Variants in MCTP1 observed in about 807,000 individuals in gnomAD.
MCTP1 encodes the protein multiple C2 and transmembrane domain-containing protein 1.
A neutral mutation model predicts 120.6 loss-of-function variants in MCTP1; 69 were observed. The ratio of observed to expected loss-of-function variants is 0.57; its 90% CI spans 0.47 to 0.70. MCTP1 has a LOEUF of 0.70. MCTP1 is among the 30% of genes least tolerant of loss of function. The pLI is 0.00. For missense variants in MCTP1, 1,203 were observed against 1,248.8 expected, an observed-to-expected ratio of 0.96 and a Z score of 0.55; for synonymous variants, 529 against 493.1, an observed-to-expected ratio of 1.07 and a Z score of -0.96.
At chr5:95,125,494 G>C (rs1758553828) in intron 1 of MCTP1, among the ~76,000 whole-genome samples, 1 of 152,166 alleles carries the variant, frequency 6.6e-6, no homozygotes. Flanking sequence ...TTGTTGTTGA[G>C]ACATCAGCTC....
intron 6 of MCTP1, among the ~76,000 whole-genome samples, chr5:94,925,994 T>TA (rs1812998069): frequency 6.6e-6 from 1 of 152,098 alleles, no homozygotes; most frequent in South Asian, 2.1e-4. Context: ...GATTTTAGAG[T>TA]AAAAAATCTA....
chr5:95,053,516 T>C (rs1023720601), intron 1 of MCTP1, among the ~76,000 whole-genome samples: 1 of 152,130 alleles, frequency 6.6e-6, no homozygotes, highest in African/African-American at 2.4e-5. Context: ...AAACTACAGA[T>C]TGAGATTCCA....
chr5:94,834,549 T>A (rs1718142814), intron 17 of MCTP1, among the ~76,000 whole-genome samples: 1 of 152,132 alleles, frequency 6.6e-6, no homozygotes. Context: ...TTTTTGGTTA[T>A]GAAATTTCAA....
chr5:94,897,301 T>C (rs562853023), intron 10 of MCTP1, among the ~76,000 whole-genome samples: 37 of 151,312 alleles, frequency 2.4e-4, no homozygotes, highest in Non-Finnish European at 4.6e-4. Flanking sequence ...CTTGAACTCC[T>C]GGGCTCAAGC....
chr5:94,844,738 ATTT>A (rs1561735438), intron 17 of MCTP1, among the ~76,000 whole-genome samples: 1 of 152,090 alleles, frequency 6.6e-6, no homozygotes, highest in African/African-American at 2.4e-5. Flanking sequence ...TATATTGATG[ATTT>A]TCTAAAAATA....
rs1308928157 is a variant in MCTP1, at chr5:95,213,256, A to G, written c.720+70600T>C. Among the ~76,000 whole-genome samples the G allele has an allele frequency of 2.0e-5, 3 of 152,206 alleles. No individual in the cohort carries two copies. In the East Asian group the frequency reaches 5.8e-4, roughly 29 times the overall value. On this transcript the variant is annotated intron_variant, in intron 1 of 22. Coordinates refer to ENST00000515393, the MANE Select transcript of MCTP1 (RefSeq NM_024717.7). ...AGAGCCAAATCATGAGTGAACTCCC[A>G]TTCACAATTGCTTCAAAGAGAATAA...
intron 19 of MCTP1, among the ~76,000 whole-genome samples, chr5:94,751,354 C>T (rs948602536): frequency 5.9e-5 from 9 of 151,396 alleles, no homozygotes; most frequent in Admixed American, 4.6e-4. Flanking sequence ...TAATTTCCTT[C>T]TACAGAGCCC....
intron 2 of MCTP1, among the ~76,000 whole-genome samples, chr5:95,001,807 C>T (rs1405350350): frequency 6.6e-6 from 1 of 152,142 alleles, no homozygotes; most frequent in African/African-American, 2.4e-5. Flanking sequence ...GAAATTCAAG[C>T]CTCCTGCAGA....
At chr5:95,026,659 T>C (rs1372401148) in intron 1 of MCTP1, among the ~76,000 whole-genome samples, 2 of 152,150 alleles carry the variant, frequency 1.3e-5, no homozygotes, top group Non-Finnish European at 2.9e-5. Context: ...AGGTTTATTG[T>C]AGCACTGTAC....
intron 1 of MCTP1, among the ~76,000 whole-genome samples, chr5:95,207,021 G>A (rs927943432): frequency 1.3e-5 from 2 of 152,020 alleles, no homozygotes; most frequent in African/African-American, 4.8e-5. Context: ...CCATCCAATA[G>A]ATCAATGATT....
chr5:95,069,839 C>G (rs1751680151), intron 1 of MCTP1, among the ~76,000 whole-genome samples: 1 of 151,980 alleles, frequency 6.6e-6, no homozygotes, highest in Non-Finnish European at 1.5e-5. Flanking sequence ...GCTGGGACTA[C>G]AGGCACCCAC....
rs376286957 is a variant in MCTP1, at chr5:95,102,329, C to A, written c.721-84845G>T. On this transcript the variant is annotated intron_variant, in intron 1 of 22. Transcript: ENST00000515393. ...GTCTCAGCTGACCCAAAGCTCACTG[C>A]GGCTGCATGAGTGAGCCAGGCCAAC... Among the ~76,000 whole-genome samples, 224 of 152,310 alleles carry A rather than the reference C, an allele frequency of 1.5e-3. 2 individuals are homozygous for A. Among genetic ancestry groups the A allele is most frequent in the African/African-American group, 5.1e-3 (212 of 41,552 alleles).
Position 94,912,826 on chromosome 5 carries a change from G to A in MCTP1, c.1501C>T (p.His501Tyr). The change falls in exon 9 of 23, where the codon CAT becomes TAT. Residue 501 changes from histidine (H) to tyrosine (Y), a missense_variant. By Grantham distance (83) the His-to-Tyr change is moderately conservative. Coordinates refer to ENST00000515393, the MANE Select transcript of MCTP1 (RefSeq NM_024717.7). ...SDPYVKFRLG[H>Y]QKYKSKIMPK... ...GTTACCTTGCTCTTGTACTTCTGATGCCCAAGCCGGAACTTCACGTAGGGA... is the reference window on the plus strand; with the variant it reads ...GTTACCTTGCTCTTGTACTTCTGATACCCAAGCCGGAACTTCACGTAGGGA... 6.3e-7 allele frequency: 1 copy of A among 1,576,478 alleles called. No homozygotes were observed. The highest frequency in any genetic ancestry group is 1.7e-4 in the Middle Eastern group (1 of 5,968).
At chr5:95,217,419 A>G (rs186721423) in intron 1 of MCTP1, among the ~76,000 whole-genome samples, 71 of 152,340 alleles carry the variant, frequency 4.7e-4, no homozygotes, top group African/African-American at 1.7e-3. Flanking sequence ...AACAAATACA[A>G]TTTGGAAGTT....
chr5:95,189,376 G>A (rs551889970), intron 1 of MCTP1, among the ~76,000 whole-genome samples: 21 of 152,228 alleles, frequency 1.4e-4, no homozygotes, highest in Admixed American at 7.2e-4. Context: ...GGTTACATAC[G>A]ACACACATTT....
rs536026448 is a variant in MCTP1 at position 94,881,204 on chromosome 5, G to C, written c.1933+7675C>G. Among the ~76,000 whole-genome samples, 4 of 152,212 alleles carry C rather than the reference G, an allele frequency of 2.6e-5. No individual in the cohort carries two copies. The East Asian group carries it at 7.7e-4, about 29-fold the overall frequency. On this transcript the variant is annotated intron_variant, in intron 12 of 22. Transcript: ENST00000515393. Reference sequence around the variant, plus strand: ...ATTTTACTGCTGCAGACTGCAAGCAGGGGTCATGTATCAGTTGTCACAGTG... The same window carrying C: ...ATTTTACTGCTGCAGACTGCAAGCACGGGTCATGTATCAGTTGTCACAGTG...
chr5:94,918,682 C>T (rs1486505521), intron 7 of MCTP1, among the ~76,000 whole-genome samples: 1 of 152,078 alleles, frequency 6.6e-6, no homozygotes, highest in Non-Finnish European at 1.5e-5. Context: ...AGTTTCTTAA[C>T]AATAGTATTA....
At chr5:95,113,640 T>C (rs1046129439) in intron 1 of MCTP1, among the ~76,000 whole-genome samples, 8 of 152,160 alleles carry the variant, frequency 5.3e-5, no homozygotes, top group Non-Finnish European at 1.2e-4. Flanking sequence ...GGAATTTGAG[T>C]TCCTGCAAGC....
chr5:95,068,309 G>A (rs1751203394), intron 1 of MCTP1, among the ~76,000 whole-genome samples: 1 of 152,116 alleles, frequency 6.6e-6, no homozygotes, highest in Non-Finnish European at 1.5e-5. Flanking sequence ...AGAGAAGAGA[G>A]GAGACAGAGA....
Sources: gnomAD v4.1 joint callset for allele counts (sites outside exome capture counted in the v4.1 genomes callset) on GRCh38, gnomAD v4.1.1 for gene constraint, MANE v1.5 for transcripts, NCBI Gene and HGNC (gene_info 2026-07-23, HGNC 2026-07-21) for gene names.